Variants in VAMP7 observed in about 807,000 individuals in gnomAD.
The protein encoded by VAMP7 is vesicle associated membrane protein 7.
A neutral mutation model predicts 29.6 loss-of-function variants in VAMP7; 14 were observed. That is an observed-to-expected ratio of 0.47 (90% CI 0.31 to 0.74). The LOEUF (loss-of-function observed/expected upper bound fraction) is 0.74, where lower values mean the gene tolerates loss of function less well. Ranked by LOEUF, VAMP7 falls within the 30% of genes least tolerant of loss-of-function variation. VAMP7 has a pLI of 0.05. For missense variants in VAMP7, 223 were observed against 262.4 expected, an observed-to-expected ratio of 0.85 and a Z score of 1.04; for synonymous variants, 95 against 88.1, an observed-to-expected ratio of 1.08 and a Z score of -0.44.
intron 6 of VAMP7, among the ~76,000 whole-genome samples, chrX:155,933,843 A>C (rs1345980818): frequency 6.6e-6 from 1 of 152,160 alleles, no homozygotes; most frequent in Non-Finnish European, 1.5e-5. Flanking sequence ...ATTTAGTGCT[A>C]TAAATTTCCC....
chrX:155,940,166 C>G (rs1479832871), intron 7 of VAMP7, among the ~76,000 whole-genome samples: 1 of 151,984 alleles, frequency 6.6e-6, no homozygotes, highest in Non-Finnish European at 1.5e-5. Context: ...TAATTATAAT[C>G]CCCCTTAAAC....
chrX:155,921,492 G>A (rs2124353660), intron 6 of VAMP7, among the ~76,000 whole-genome samples: 1 of 152,078 alleles, frequency 6.6e-6, no homozygotes, highest in African/African-American at 2.4e-5. Context: ...TTTGTGTCTG[G>A]CCTCTTTCAC....
At chrX:155,904,061 T>C (rs982567947) in intron 5 of VAMP7, among the ~76,000 whole-genome samples, 2 of 151,932 alleles carry the variant, frequency 1.3e-5, no homozygotes, top group African/African-American at 4.8e-5. Context: ...TGTAGGGACA[T>C]GGATGAAATT....
chrX:155,942,124 C>G lies in VAMP7; in HGVS notation c.*173C>G, dbSNP rs2066754455. On this transcript the variant is annotated 3_prime_UTR_variant, in exon 8 of 8. Coordinates refer to ENST00000286448, the MANE Select transcript of VAMP7 (RefSeq NM_005638.6). ...CCAGGTTTATCTTTGTCTTATCTACCAGTTTATTCCTGTGAACTTCAGATT... is the reference window on the plus strand; with the variant it reads ...CCAGGTTTATCTTTGTCTTATCTACGAGTTTATTCCTGTGAACTTCAGATT... 1 of 1,551,936 alleles carries G rather than the reference C, an allele frequency of 6.4e-7. No individual in the cohort carries two copies. Among genetic ancestry groups the G allele is most frequent in the East Asian group, 2.4e-5 (1 of 40,912 alleles).
intron 1 of VAMP7, among the ~76,000 whole-genome samples, chrX:155,882,341 T>A (rs2065812469): frequency 6.6e-6 from 1 of 152,192 alleles, no homozygotes; most frequent in Non-Finnish European, 1.5e-5. Context: ...AAAACAGGAA[T>A]AATCAGGATT....
intron 6 of VAMP7, among the ~76,000 whole-genome samples, chrX:155,937,193 A>T (rs1199872991): frequency 6.6e-6 from 1 of 152,184 alleles, no homozygotes; most frequent in East Asian, 1.9e-4. Context: ...GTATGATTTC[A>T]CTTATATATG....
intron 5 of VAMP7, among the ~76,000 whole-genome samples, chrX:155,902,732 G>A (rs1360695629): frequency 6.6e-6 from 1 of 151,626 alleles, no homozygotes; most frequent in East Asian, 1.9e-4. Context: ...CTTGATCATG[G>A]TGGATAAGCT....
intron 5 of VAMP7, among the ~76,000 whole-genome samples, chrX:155,912,727 A>G (rs2066255780): frequency 2.0e-5 from 3 of 152,118 alleles, no homozygotes; most frequent in Non-Finnish European, 2.9e-5. Flanking sequence ...TCCATCGTGT[A>G]TATGTGCCAC....
In VAMP7 at chrX:155,934,896, G is replaced by T. The variant is rs746776154; in HGVS notation, c.502-4805G>T. Among the ~76,000 whole-genome samples the T allele has an allele frequency of 3.3e-3, 509 of 152,222 alleles. 1 individual carries two copies. The highest frequency in any genetic ancestry group is 0.012 in the African/African-American group (483 of 41,532). ...CAGGAGCTCTTGTAAGGCAGGCCTG[G>T]TGGTGACAAAATCTCTCAGCATTTG... On this transcript the variant is annotated intron_variant, in intron 6 of 7. Transcript: ENST00000286448.
intron 6 of VAMP7, among the ~76,000 whole-genome samples, chrX:155,931,720 C>T (rs1193987688): frequency 6.6e-6 from 1 of 152,114 alleles, no homozygotes; most frequent in African/African-American, 2.4e-5. Context: ...AATTAGATCC[C>T]ATTTGTCAAT....
At chrX:155,918,989 T>G (rs1304398260) in intron 5 of VAMP7, among the ~76,000 whole-genome samples, 1 of 152,198 alleles carries the variant, frequency 6.6e-6, no homozygotes, top group Admixed American at 6.5e-5. Context: ...TGCTAGTATT[T>G]CGTTGAGGAT....
intron 5 of VAMP7, among the ~76,000 whole-genome samples, chrX:155,913,562 A>G (rs2066268549): frequency 6.6e-6 from 1 of 152,164 alleles, no homozygotes; most frequent in South Asian, 2.1e-4. Flanking sequence ...AGGTGTAAGG[A>G]AGGGGGCCAG....
chrX:155,932,381 C>T (rs368843436), intron 6 of VAMP7, among the ~76,000 whole-genome samples: 8 of 152,258 alleles, frequency 5.3e-5, no homozygotes, highest in South Asian at 2.1e-4. Context: ...TCTTTTATTT[C>T]GCTGAACAGT....
chrX:155,936,551 C>T (rs2066659690), intron 6 of VAMP7, among the ~76,000 whole-genome samples: 4 of 152,174 alleles, frequency 2.6e-5, no homozygotes, highest in Non-Finnish European at 5.9e-5. Flanking sequence ...GTTGGAAAAG[C>T]GCAGTATTAG....
chrX:155,942,238 T>A lies in VAMP7; in HGVS notation c.*287T>A. 1 of 1,430,946 alleles carries A rather than the reference T, an allele frequency of 7.0e-7. No individual in the cohort carries two copies. Among genetic ancestry groups the A allele is most frequent in the Non-Finnish European group, 9.3e-7 (1 of 1,075,866 alleles). The allele number at this position is 1,430,946 out of a possible 1,614,324, so 88.6% of individuals were successfully genotyped here. A position where few individuals can be genotyped will look rare whatever the true frequency, so the allele number is the denominator to read the frequency against. ...GTGTCATCTATTTAGAGAAACATTT[T>A]TGTTTTTAATTGCTCAAAGCTGTCG... On this transcript the variant is annotated 3_prime_UTR_variant, in exon 8 of 8. Transcript: ENST00000286448.
chrX:155,890,733 T>C (rs1602910667), intron 2 of VAMP7, among the ~76,000 whole-genome samples: 2 of 152,308 alleles, frequency 1.3e-5, no homozygotes, highest in Admixed American at 1.3e-4. Context: ...GAAATCTTAG[T>C]AATTAGTTTT....
intron 5 of VAMP7, among the ~76,000 whole-genome samples, chrX:155,906,703 C>T (rs1325274601): frequency 6.6e-6 from 1 of 152,026 alleles, no homozygotes; most frequent in Non-Finnish European, 1.5e-5. Flanking sequence ...GTTCTAATAG[C>T]TTTTTAATAG....
At chrX:155,918,602 C>T (rs1366313915) in intron 5 of VAMP7, among the ~76,000 whole-genome samples, 3 of 152,116 alleles carry the variant, frequency 2.0e-5, no homozygotes, top group Non-Finnish European at 4.4e-5. Flanking sequence ...GAGGCAACGC[C>T]CCACCCTGCT....
chrX:155,899,050 A>G (rs969066614), intron 4 of VAMP7, among the ~76,000 whole-genome samples: 1 of 152,034 alleles, frequency 6.6e-6, no homozygotes, highest in Non-Finnish European at 1.5e-5. Flanking sequence ...GTTGCTGGAT[A>G]TTTGGGTTGC....
Sources: allele counts gnomAD v4.1 joint callset (sites outside exome capture counted in the v4.1 genomes callset), GRCh38; gene constraint gnomAD v4.1.1; transcripts MANE v1.5; gene names NCBI Gene and HGNC (gene_info 2026-07-23, HGNC 2026-07-21).